HS3ST5: variants seen among roughly 807,000 people sequenced by gnomAD.
The protein encoded by HS3ST5 is heparan sulfate glucosamine 3-O-sulfotransferase 5.
Under a neutral mutation model 25.4 loss-of-function variants are expected in HS3ST5, and 10 were observed. The observed-to-expected ratio is 0.39, with a 90% CI of 0.24 to 0.67. The LOEUF (loss-of-function observed/expected upper bound fraction) is 0.67. Ranked by LOEUF, HS3ST5 falls within the 30% of genes least tolerant of loss-of-function variation. The pLI is 0.44. For missense variants in HS3ST5, 324 were observed against 420.7 expected (o/e 0.77, Z 2.01); for synonymous variants, 170 against 162.4 (o/e 1.05, Z -0.36).
intron 1 of HS3ST5, among the ~76,000 whole-genome samples, chr6:114,292,765 A>C (rs1348958071): frequency 6.6e-6 from 1 of 152,146 alleles, no homozygotes; most frequent in Non-Finnish European, 1.5e-5. Flanking sequence ...GGATGCTCAA[A>C]TCTCTGATAT....
intron 1 of HS3ST5, among the ~76,000 whole-genome samples, chr6:114,280,236 G>A (rs1443629333): frequency 6.6e-6 from 1 of 151,934 alleles, no homozygotes; most frequent in Non-Finnish European, 1.5e-5. Context: ...TGTTCAGGGT[G>A]ATTTCACTTG....
At chr6:114,111,633 A>C (rs1776274586) in intron 3 of HS3ST5, among the ~76,000 whole-genome samples, 1 of 152,212 alleles carries the variant, frequency 6.6e-6, no homozygotes, top group African/African-American at 2.4e-5. Context: ...GGCCAGAAAC[A>C]GAATGTGAAG....
chr6:114,131,084 G>A (rs1268397508), intron 3 of HS3ST5: 2 of 152,114 alleles, frequency 1.3e-5, no homozygotes, highest in Admixed American at 6.5e-5. Flanking sequence ...GCACTCAAAT[G>A]TTTCACATTA....
At chr6:114,107,751 T>C (rs1261898350) in intron 3 of HS3ST5, among the ~76,000 whole-genome samples, 1 of 152,204 alleles carries the variant, frequency 6.6e-6, no homozygotes, top group East Asian at 1.9e-4. Context: ...TGCAGTAACA[T>C]AAATGTGTGA....
At chr6:114,081,417 C>G (rs749349232) in intron 3 of HS3ST5, among the ~76,000 whole-genome samples, 4 of 151,042 alleles carry the variant, frequency 2.6e-5, no homozygotes, top group Non-Finnish European at 4.4e-5. Flanking sequence ...AAACAAGGTA[C>G]GCACAAATTT....
intron 3 of HS3ST5, among the ~76,000 whole-genome samples, chr6:114,138,389 G>T (rs1367219545): frequency 6.6e-6 from 1 of 152,172 alleles, no homozygotes; most frequent in Non-Finnish European, 1.5e-5. Context: ...ATTTGGGTTA[G>T]TAAGATTTTT....
intron 3 of HS3ST5, among the ~76,000 whole-genome samples, chr6:114,130,092 T>A (rs1777253988): frequency 6.6e-6 from 1 of 152,170 alleles, no homozygotes; most frequent in Non-Finnish European, 1.5e-5. Context: ...ACAAGCCACA[T>A]CTATTGGTTC....
chr6:114,091,963 T>C (rs768711712), intron 3 of HS3ST5, among the ~76,000 whole-genome samples: 1 of 152,146 alleles, frequency 6.6e-6, no homozygotes, highest in Non-Finnish European at 1.5e-5. Flanking sequence ...GTGGCCTCTT[T>C]TACAGTGACA....
chr6:114,056,262 C>G lies in HS3ST5; in HGVS notation c.*995G>C, dbSNP rs1345055605. On this transcript the variant is annotated 3_prime_UTR_variant, in exon 5 of 5. Coordinates refer to ENST00000312719, the MANE Select transcript of HS3ST5 (RefSeq NM_153612.4). ...AGGGTTCTTTGAGGTGGCTATTATA[C>G]TTGATTTCCAGATGGTTGAGGTTTT... 2 of 152,110 alleles carry G rather than the reference C, an allele frequency of 1.3e-5. No individual in the cohort carries two copies. The highest frequency in any genetic ancestry group is 2.4e-5 in the African/African-American group (1 of 41,426). The allele number at this position is 152,110 out of a possible 1,614,324, so 9.4% of individuals were successfully genotyped here. A position where few individuals can be genotyped will look rare whatever the true frequency, so the allele number is the denominator to read the frequency against.
intron 1 of HS3ST5, among the ~76,000 whole-genome samples, chr6:114,308,391 A>C (rs1775387353): frequency 6.6e-6 from 1 of 152,064 alleles, no homozygotes; most frequent in Admixed American, 6.5e-5. Flanking sequence ...CGAGACCGTC[A>C]TGGCTAACAC....
chr6:114,134,329 T>G (rs1221513710), intron 3 of HS3ST5, among the ~76,000 whole-genome samples: 1 of 152,188 alleles, frequency 6.6e-6, no homozygotes, highest in Non-Finnish European at 1.5e-5. Flanking sequence ...TTAAATAATT[T>G]GCCCAAGGTT....
intron 1 of HS3ST5, among the ~76,000 whole-genome samples, chr6:114,236,760 G>GAT (rs1301016335): frequency 1.3e-5 from 2 of 152,146 alleles, no homozygotes; most frequent in Admixed American, 1.3e-4. Flanking sequence ...GATGCATTTA[G>GAT]ATACACTTTT....
chr6:114,305,398 T>A (rs1366465956), intron 1 of HS3ST5, among the ~76,000 whole-genome samples: 1 of 152,136 alleles, frequency 6.6e-6, no homozygotes, highest in Non-Finnish European at 1.5e-5. Flanking sequence ...TATGTTATTT[T>A]TCAGAAAATG....
At chr6:114,172,639 A>AT (rs1402801910) in intron 2 of HS3ST5, among the ~76,000 whole-genome samples, 2 of 152,154 alleles carry the variant, frequency 1.3e-5, no homozygotes, top group Non-Finnish European at 2.9e-5. Context: ...AGGCTAAAAG[A>AT]TTTTTAAATG....
At chr6:114,232,212 A>G (rs1027416955) in intron 1 of HS3ST5, among the ~76,000 whole-genome samples, 1 of 152,192 alleles carries the variant, frequency 6.6e-6, no homozygotes, top group Non-Finnish European at 1.5e-5. Context: ...ATTCATAATG[A>G]GAGAATCCTA....
chr6:114,161,053 T>C (rs1239073441), intron 3 of HS3ST5, among the ~76,000 whole-genome samples: 1 of 152,138 alleles, frequency 6.6e-6, no homozygotes, highest in East Asian at 1.9e-4. Context: ...GGAGCTCAGA[T>C]TGTCTCTGGA....
chr6:114,148,347 A>C (rs1964777), intron 3 of HS3ST5, among the ~76,000 whole-genome samples: 1 of 152,064 alleles, frequency 6.6e-6, no homozygotes, highest in Non-Finnish European at 1.5e-5. Flanking sequence ...GGCCAGGCAC[A>C]GTGGCTTATG....
At position 114,195,742 on chromosome 6, in the gene HS3ST5, GGAGA is replaced by G. The variant is rs562908407; in HGVS notation, c.-144-27284_-144-27281del. 9.0e-4 allele frequency among the ~76,000 whole-genome samples: 137 copies of G among 152,246 alleles called. 1 individual carries two copies. Among genetic ancestry groups the G allele is most frequent in the African/African-American group, 3.2e-3 (133 of 41,548 alleles). ...TAAGAGTGAACTTCAGTTGGAGAGA[GGAGA>G]AAGAGGGAAAGTGGTCAAGCAGGCA... is the stretch of plus-strand genomic sequence containing the variant. On this transcript the variant is annotated intron_variant, in intron 2 of 4. Transcript: ENST00000312719.
chr6:114,217,703 T>C (rs2114471516), intron 2 of HS3ST5, among the ~76,000 whole-genome samples: 1 of 152,294 alleles, frequency 6.6e-6, no homozygotes, highest in African/African-American at 2.4e-5. Flanking sequence ...GATGAGGAAA[T>C]TGAGACTTAG....
Sources: allele counts gnomAD v4.1 joint callset (sites outside exome capture counted in the v4.1 genomes callset), GRCh38; gene constraint gnomAD v4.1.1; transcripts MANE v1.5; gene names NCBI Gene and HGNC (gene_info 2026-07-23, HGNC 2026-07-21).